Variants in NAA40 observed in about 807,000 individuals in gnomAD.
The protein encoded by NAA40 is N-alpha-acetyltransferase 40.
A neutral mutation model predicts 36.6 loss-of-function variants in NAA40; 26 were observed. That is an observed-to-expected ratio of 0.71 (90% CI 0.52 to 0.98). The LOEUF (loss-of-function observed/expected upper bound fraction) is 0.98. Ranked by LOEUF, NAA40 falls within the 50% of genes least tolerant of loss-of-function variation. The pLI is 0.00. For missense variants in NAA40, 237 were observed against 306.5 expected (o/e 0.77, Z 1.69); for synonymous variants, 129 against 108.4 (o/e 1.19, Z -1.18).
At chr11:63,943,904 C>T (rs1232318153) in intron 1 of NAA40, among the ~76,000 whole-genome samples, 1 of 152,230 alleles carries the variant, frequency 6.6e-6, no homozygotes, top group African/African-American at 2.4e-5. Context: ...GATGAATGCT[C>T]TAAACCTGTC....
chr11:63,950,130 T>TG (rs1004399366), intron 3 of NAA40, among the ~76,000 whole-genome samples: 24 of 150,332 alleles, frequency 1.6e-4, no homozygotes, highest in African/African-American at 5.6e-4. Context: ...TTGTTTTTTT[T>TG]TTTTTTTGAG....
chr11:63,944,810 G>A (rs966324722), intron 1 of NAA40, among the ~76,000 whole-genome samples: 70 of 151,698 alleles, frequency 4.6e-4, no homozygotes, highest in African/African-American at 1.7e-3. Context: ...GGCTGAGGCA[G>A]GAGAATCGCT....
At chr11:63,946,268 C>G (rs985916843) in intron 2 of NAA40, 1 of 285,448 alleles carries the variant, frequency 3.5e-6, no homozygotes, top group East Asian at 7.7e-5. Flanking sequence ...TGCAGTGGCA[C>G]TATCTCGGCT....
chr11:63,954,325 G>A lies in NAA40; in HGVS notation c.573-13G>A, dbSNP rs759800045. 5.7e-6 allele frequency: 9 copies of A among 1,575,358 alleles called. No homozygotes were observed. In the African/African-American group the frequency reaches 1.2e-4, roughly 21 times the overall value. The stretch of plus-strand genomic sequence containing the variant: ...TGCCTGCCACCAACCCTTTTCTCCT[G>A]CCTGCCTTGCAGATTTGAAATTGAT... On this transcript the variant is annotated splice_polypyrimidine_tract_variant and intron_variant, in intron 7 of 7. Coordinates refer to ENST00000377793, the MANE Select transcript of NAA40 (RefSeq NM_024771.4).
In NAA40 at chr11:63,957,212, A is replaced by ATATATTTTTT. The variant is rs1278673521; in HGVS notation, c.*2734_*2735insATATTTTTTT. The ATATATTTTTT allele has an allele frequency of 3.1e-5, 2 of 64,300 alleles. No homozygotes were observed. Among genetic ancestry groups the ATATATTTTTT allele is most frequent in the African/African-American group, 8.4e-5 (2 of 23,942 alleles). 4.0% of individuals were successfully genotyped at this position (64,300 alleles called of 1,614,324 possible). ...CCTTGATATATATATATATATATAT[A>ATATATTTTTT]TTTTTTTTTTTCTTTAGCAGCTTGT... On this transcript the variant is annotated 3_prime_UTR_variant, in exon 8 of 8. Coordinates refer to ENST00000377793, the MANE Select transcript of NAA40 (RefSeq NM_024771.4).
chr11:63,950,869 G>A (rs1428446058), intron 3 of NAA40, among the ~76,000 whole-genome samples: 1 of 152,208 alleles, frequency 6.6e-6, no homozygotes, highest in East Asian at 1.9e-4. Context: ...CTTGAATTTT[G>A]TGTGGTTCCT....
chr11:63,942,996 C>G (rs1217397105), intron 1 of NAA40, among the ~76,000 whole-genome samples: 1 of 152,186 alleles, frequency 6.6e-6, no homozygotes, highest in Non-Finnish European at 1.5e-5. Context: ...TTTCTGGGTT[C>G]TGGGCGTTAC....
At position 63,955,789 on chromosome 11, in the gene NAA40, C is replaced by G. The variant is rs1447769758; in HGVS notation, c.*1310C>G. ...CTAATGCTCATCCTGATCTCTAGGCCTTGTTCCTCTTCCAGGGAAGAAAAG... is the reference window on the plus strand; with the variant it reads ...CTAATGCTCATCCTGATCTCTAGGCGTTGTTCCTCTTCCAGGGAAGAAAAG... On this transcript the variant is annotated 3_prime_UTR_variant, in exon 8 of 8. Coordinates refer to ENST00000377793, the MANE Select transcript of NAA40 (RefSeq NM_024771.4). 1 of 152,320 alleles carries G rather than the reference C, an allele frequency of 6.6e-6. No individual in the cohort carries two copies. Among genetic ancestry groups the G allele is most frequent in the Non-Finnish European group, 1.5e-5 (1 of 68,082 alleles). 9.4% of individuals were successfully genotyped at this position (152,320 alleles called of 1,614,324 possible).
chr11:63,954,383 G>A lies in NAA40; in HGVS notation c.618G>A (p.Gly206=), dbSNP rs374932737. 1.9e-5 allele frequency: 31 copies of A among 1,612,200 alleles called. No individual in the cohort carries two copies. In the Admixed American group the frequency reaches 4.2e-4, roughly 22 times the overall value. Residue 206 remains glycine, a synonymous_variant, in exon 8 of 8, where the codon GGG becomes GGA. Transcript: ENST00000377793. ...DSSPSMSGCC[G]EDCSYEILSR... ...CCCCCAGCATGTCCGGTTGCTGTGG[G>A]GAGGATTGCTCCTATGAGATCCTGA...
intron 1 of NAA40, 154 bp downstream of exon 1, chr11:63,939,256 G>T (rs1279656172): frequency 2.3e-6 from 3 of 1,303,170 alleles, no homozygotes; most frequent in Non-Finnish European, 2.9e-6. Context: ...CCATTCTAAG[G>T]GTCCCTACGC....
At chr11:63,943,935 T>G (rs1283793808) in intron 1 of NAA40, among the ~76,000 whole-genome samples, 1 of 152,246 alleles carries the variant, frequency 6.6e-6, no homozygotes, top group Non-Finnish European at 1.5e-5. Context: ...GGAGGCTAGT[T>G]CTGTTCCAGG....
At chr11:63,954,178 G>C in intron 7 of NAA40, 129 bp downstream of exon 7, 1 of 1,329,544 alleles carries the variant, frequency 7.5e-7, no homozygotes. Flanking sequence ...TTCAGGTTCA[G>C]GGAGATGGTA....
chr11:63,941,482 A>T (rs1340296609), intron 1 of NAA40, among the ~76,000 whole-genome samples: 1 of 152,196 alleles, frequency 6.6e-6, no homozygotes, highest in East Asian at 1.9e-4. Flanking sequence ...ATTGATACTG[A>T]AAATCTAAGA....
chr11:63,939,262 T>A, intron 1 of NAA40, 160 bp downstream of exon 1: 1 of 1,270,752 alleles, frequency 7.9e-7, no homozygotes, highest in Non-Finnish European at 1.0e-6. Flanking sequence ...TAAGGGTCCC[T>A]ACGCTAGGCC....
intron 3 of NAA40, among the ~76,000 whole-genome samples, chr11:63,949,931 AGATGGGGTT>A (rs1942250418): frequency 6.6e-6 from 1 of 151,214 alleles, no homozygotes; most frequent in East Asian, 2.0e-4. Context: ...TTTTTAGTAG[AGATGGGGTT>A]TCACCGTGTT....
At chr11:63,943,261 G>T (rs1439010535) in intron 1 of NAA40, among the ~76,000 whole-genome samples, 1 of 152,152 alleles carries the variant, frequency 6.6e-6, no homozygotes, top group Non-Finnish European at 1.5e-5. Context: ...CCATGGTGCA[G>T]CCCTGGACAC....
Position 63,939,157 on chromosome 11 carries a change from C to A in NAA40, c.6+55C>A, listed in dbSNP as rs1366904008. 9.0e-6 allele frequency: 14 copies of A among 1,555,958 alleles called. No individual in the cohort carries two copies. In the African/African-American group the frequency reaches 1.3e-4, roughly 14 times the overall value. ...GTCCAGGGGCGCTCCTCGCTACCCT[C>A]GCCCCCTTTGTTCTTAAACCCCCCT... On this transcript the variant is annotated intron_variant, in intron 1 of 7. Coordinates refer to ENST00000377793, the MANE Select transcript of NAA40 (RefSeq NM_024771.4).
chr11:63,945,463 G>C (rs971827632), intron 1 of NAA40, among the ~76,000 whole-genome samples: 3 of 152,126 alleles, frequency 2.0e-5, no homozygotes, highest in Non-Finnish European at 4.4e-5. Context: ...TCCCTGAAGC[G>C]GTCTTCAGTG....
At chr11:63,946,020 C>A in intron 2 of NAA40, 85 bp downstream of exon 2, 1 of 1,257,864 alleles carries the variant, frequency 7.9e-7, no homozygotes, top group Non-Finnish European at 1.1e-6. Context: ...CACCCTGTGG[C>A]AGAATTGTGA....
Sources: allele counts gnomAD v4.1 joint callset (sites outside exome capture counted in the v4.1 genomes callset), GRCh38; gene constraint gnomAD v4.1.1; transcripts MANE v1.5; gene names NCBI Gene and HGNC (gene_info 2026-07-23, HGNC 2026-07-21).